Variants in GCSAML observed in about 807,000 individuals in gnomAD.
GCSAML encodes the protein germinal center associated signaling and motility like, also known as germinal center-associated signaling and motility-like protein.
GCSAML carries 9 observed loss-of-function variants against 13.0 expected under a neutral mutation model. The observed-to-expected ratio is 0.69, with a 90% CI of 0.42 to 1.21. The LOEUF (loss-of-function observed/expected upper bound fraction) is 1.21. Ranked by LOEUF, GCSAML falls within the 50% of genes most tolerant of loss-of-function variation. The pLI is 0.00. For missense variants in GCSAML, 143 were observed against 153.4 expected (o/e 0.93, Z 0.36); for synonymous variants, 37 against 52.9 (o/e 0.70, Z 1.31).
At chr1:247,508,148 C>T (rs1438343224) in intron 1 of GCSAML, among the ~76,000 whole-genome samples, 1 of 152,180 alleles carries the variant, frequency 6.6e-6, no homozygotes, top group African/African-American at 2.4e-5. Flanking sequence ...AAAAGCATTC[C>T]TATTTCTCCA....
intron 2 of GCSAML, chr1:247,530,074 T>A (rs934069915): frequency 6.6e-6 from 1 of 152,150 alleles, no homozygotes; most frequent in Non-Finnish European, 1.5e-5. Flanking sequence ...TTTACACATA[T>A]TTTTGGTTCT....
chr1:247,565,545 T>C (rs192211669), intron 3 of GCSAML: 112 of 171,420 alleles, frequency 6.5e-4, no homozygotes, highest in Middle Eastern at 5.0e-3. Context: ...CCTGTGATAG[T>C]TACATAAAAT....
intron 2 of GCSAML, among the ~76,000 whole-genome samples, 199 bp downstream of exon 2, chr1:247,556,665 C>A (rs779607535): frequency 6.6e-6 from 1 of 152,014 alleles, no homozygotes; most frequent in Non-Finnish European, 1.5e-5. Flanking sequence ...GTATTAGCCA[C>A]GTGTTTTGTT....
chr1:247,530,031 C>T (rs562137592), intron 2 of GCSAML: 32 of 149,028 alleles, frequency 2.1e-4, no homozygotes, highest in African/African-American at 7.6e-4. Flanking sequence ...CTCTCTCTCC[C>T]CCTCAGGGTG....
intron 3 of GCSAML, among the ~76,000 whole-genome samples, chr1:247,564,167 C>T (rs376907727): frequency 2.6e-5 from 4 of 152,026 alleles, no homozygotes; most frequent in Admixed American, 6.6e-5. Flanking sequence ...CTCCTGACCT[C>T]GTGATCCACC....
At position 247,574,451 on chromosome 1, in the gene GCSAML, G is replaced by T; in HGVS notation, c.*69G>T. 6.4e-7 allele frequency: 1 copy of T among 1,559,684 alleles called. No individual in the cohort carries two copies. Among genetic ancestry groups the T allele is most frequent in the Admixed American group, 1.7e-5 (1 of 58,162 alleles). On this transcript the variant is annotated 3_prime_UTR_variant, in exon 5 of 5. Coordinates refer to ENST00000366488, the MANE Select transcript of GCSAML (RefSeq NM_145278.5). ...CAGAATAGCAGACTCTGGCGAAGTTGTTCACCCTGAGCAGTGCATGAAACA... is the reference window on the plus strand; with the variant it reads ...CAGAATAGCAGACTCTGGCGAAGTTTTTCACCCTGAGCAGTGCATGAAACA...
intron 1 of GCSAML, 137 bp downstream of exon 1, chr1:247,549,357 C>A (rs1243033366): frequency 1.5e-6 from 1 of 649,358 alleles, no homozygotes; most frequent in Non-Finnish European, 2.6e-6. Context: ...CCTCTAGGAG[C>A]ACACAGTGAC....
At chr1:247,556,537 G>A (rs943531813) in intron 2 of GCSAML, 71 bp downstream of exon 2, 1 of 1,101,342 alleles carries the variant, frequency 9.1e-7, no homozygotes, top group Non-Finnish European at 1.3e-6. Flanking sequence ...TACTTCCAGA[G>A]TCTCTGCCCC....
chr1:247,526,923 C>T lies in GCSAML; in HGVS notation c.-262-17C>T, dbSNP rs1371499264. The T allele has an allele frequency of 2.2e-6, 1 of 455,730 alleles. No individual in the cohort carries two copies. The highest frequency in any genetic ancestry group is 2.4e-5 in the Admixed American group (1 of 42,434). 28.2% of individuals were successfully genotyped at this position (455,730 alleles called of 1,614,324 possible). A position where few individuals can be genotyped will look rare whatever the true frequency, so the allele number is the denominator to read the frequency against. Reference sequence around the variant, plus strand: ...ACTTCCCTCTATTTAGAAAGGTCTTCTTTCACTTTCTTTCAGGATTTACTG... The same window carrying T: ...ACTTCCCTCTATTTAGAAAGGTCTTTTTTCACTTTCTTTCAGGATTTACTG... On this transcript the variant is annotated splice_polypyrimidine_tract_variant and intron_variant, in intron 1 of 5. Coordinates refer to the GCSAML transcript ENST00000366489. The surrounding 1 kb of genome is among the most constrained non-coding windows in gnomAD (Gnocchi z 4.8).
chr1:247,571,923 A>T (rs1176054), intron 4 of GCSAML, among the ~76,000 whole-genome samples: 3 of 151,694 alleles, frequency 2.0e-5, no homozygotes, highest in Admixed American at 2.0e-4. Context: ...TTTCTCTAAC[A>T]TTGTCTTCAT....
chr1:247,538,047 A>G (rs1053324178), intron 2 of GCSAML, among the ~76,000 whole-genome samples: 3 of 152,138 alleles, frequency 2.0e-5, no homozygotes, highest in South Asian at 2.1e-4. Flanking sequence ...TTCATGTCAT[A>G]TTTAACAAAA....
rs1326562795 is a variant in GCSAML at position 247,563,625 on chromosome 1, A to T, written c.125A>T (p.Asp42Val). ...EMTTFERKLQ[D>V]QDKKSQEVSS... The stretch of plus-strand genomic sequence containing the variant: ...ACTACATTTGAAAGAAAACTTCAAG[A>T]TCAAGATAAGAAAAGTAAGTCATGG... Residue 42 changes from aspartate (D) to valine (V), a missense_variant, in exon 3 of 5, where the codon GAT (aspartate) becomes GTT (valine). Asp to Val is a radical substitution (Grantham distance 152). Transcript: ENST00000366488. The T allele has an allele frequency of 1.3e-6, 2 of 1,580,162 alleles. No individual in the cohort carries two copies. The highest frequency in any genetic ancestry group is 3.4e-5 in the Admixed American group (2 of 59,618).
chr1:247,572,021 G>A (rs1251197599), intron 4 of GCSAML, among the ~76,000 whole-genome samples: 3 of 152,026 alleles, frequency 2.0e-5, no homozygotes, highest in Non-Finnish European at 2.9e-5. Flanking sequence ...TATGCTTCAC[G>A]AAGTTTTCGT....
intron 4 of GCSAML, among the ~76,000 whole-genome samples, chr1:247,568,792 A>T (rs1198826784): frequency 6.6e-6 from 1 of 152,042 alleles, no homozygotes; most frequent in East Asian, 1.9e-4. Context: ...CACAATATTG[A>T]TTCTTCCTAT....
intron 2 of GCSAML, among the ~76,000 whole-genome samples, chr1:247,540,508 T>G (rs1211589152): frequency 6.6e-6 from 1 of 152,266 alleles, no homozygotes; most frequent in Non-Finnish European, 1.5e-5. Context: ...TACATGCTTA[T>G]TTTTACTTAT....
intron 1 of GCSAML, among the ~76,000 whole-genome samples, chr1:247,517,926 G>A (rs926578607): frequency 2.8e-4 from 43 of 152,204 alleles, no homozygotes; most frequent in Admixed American, 6.5e-5. Flanking sequence ...AGAGGCCAAA[G>A]CTGGAGACGG....
intron 1 of GCSAML, among the ~76,000 whole-genome samples, chr1:247,507,715 C>T (rs933674613): frequency 2.0e-5 from 3 of 152,044 alleles, no homozygotes; most frequent in Admixed American, 2.0e-4. Flanking sequence ...ATGTTCCCCT[C>T]CTTGTGTCCA....
At chr1:247,569,247 A>G (rs552975324) in intron 4 of GCSAML, among the ~76,000 whole-genome samples, 1 of 152,252 alleles carries the variant, frequency 6.6e-6, no homozygotes, top group East Asian at 1.9e-4. Context: ...ACTATGTTGA[A>G]TAGGAGTGGA....
In GCSAML at chr1:247,574,692, C is replaced by T. The variant is rs1410825616; in HGVS notation, c.*310C>T. 2.1e-5 allele frequency: 6 copies of T among 289,176 alleles called. No individual in the cohort carries two copies. The highest frequency in any genetic ancestry group is 1.5e-4 in the Admixed American group (3 of 20,604). The allele number at this position is 289,176 out of a possible 1,614,324, so 17.9% of individuals were successfully genotyped here. On this transcript the variant is annotated 3_prime_UTR_variant, in exon 5 of 5. Coordinates refer to ENST00000366488, the MANE Select transcript of GCSAML (RefSeq NM_145278.5). ...AAAATGAAAATAAATTTCTAATCCC[C>T]CTGACTAACTGAATGGACCCTCTTC...
Sources: allele counts gnomAD v4.1 joint callset (sites outside exome capture counted in the v4.1 genomes callset), GRCh38; gene constraint gnomAD v4.1.1; non-coding constraint Gnocchi (gnomAD v3.1); transcripts MANE v1.5; gene names NCBI Gene and HGNC (gene_info 2026-07-23, HGNC 2026-07-21).